Variants in ZNF385D observed in about 807,000 individuals in gnomAD.
ZNF385D encodes the protein zinc finger protein 659.
ZNF385D carries 15 observed loss-of-function variants against 35.8 expected under a neutral mutation model. The observed-to-expected ratio is 0.42, with a 90% confidence interval of 0.28 to 0.64. ZNF385D has a LOEUF of 0.64. ZNF385D is among the 30% of genes least tolerant of loss of function. The probability of loss-of-function intolerance (pLI) is 0.23; values close to 1 mark genes in which losing one functional copy is unlikely to be tolerated. For synonymous variants in ZNF385D, 212 were observed against 186.8 expected (o/e 1.13, Z -1.10); for missense variants, 474 against 494.6 (o/e 0.96, Z 0.39).
At chr3:21,850,293 G>A (rs3912510) in intron 3 of ZNF385D, among the ~76,000 whole-genome samples, 10,694 of 152,100 alleles carry the variant, frequency 0.07, 544 homozygotes, top group East Asian at 0.21. Flanking sequence ...ACATTGCACA[G>A]AAAGAAATAT....
intron 3 of ZNF385D, among the ~76,000 whole-genome samples, chr3:21,770,107 C>CA (rs2125608705): frequency 6.6e-6 from 1 of 152,098 alleles, no homozygotes; most frequent in African/African-American, 2.4e-5. Context: ...TAAAGACTTA[C>CA]ATGTTAGACC....
intron 2 of ZNF385D, among the ~76,000 whole-genome samples, chr3:22,169,929 G>A (rs1161540649): frequency 6.6e-6 from 1 of 152,172 alleles, no homozygotes; most frequent in Non-Finnish European, 1.5e-5. Flanking sequence ...TAAGTAGCTG[G>A]AACTACAGGT....
chr3:21,725,425 T>A (rs752122568), intron 1 of ZNF385D, among the ~76,000 whole-genome samples: 4 of 152,002 alleles, frequency 2.6e-5, no homozygotes, highest in Non-Finnish European at 5.9e-5. Context: ...ACAAAATAGA[T>A]AGACCGCTAG....
chr3:21,992,760 A>T (rs986280242), intron 3 of ZNF385D, among the ~76,000 whole-genome samples: 1 of 152,190 alleles, frequency 6.6e-6, no homozygotes. Context: ...TGGCTGTTTC[A>T]TAATTGATTT....
In ZNF385D at chr3:21,414,555, G is replaced by A. The variant is rs764702770; in HGVS notation, c.*6659C>T. The A allele has an allele frequency of 2.6e-5, 4 of 152,124 alleles. No individual in the cohort carries two copies. The highest frequency in any genetic ancestry group is 5.9e-5 in the Non-Finnish European group (4 of 68,014). The allele number at this position is 152,124 out of a possible 1,614,324, so 9.4% of individuals were successfully genotyped here. A position where few individuals can be genotyped will look rare whatever the true frequency, so the allele number is the denominator to read the frequency against. On this transcript the variant is annotated 3_prime_UTR_variant, in exon 8 of 8. Transcript: ENST00000281523. ...GGCTTAGATTTTGGAGCTATTTTGA[G>A]TAGCAAATGACTTGCTTTTACTAAA...
At chr3:21,492,572 T>A (rs1575040952) in intron 4 of ZNF385D, among the ~76,000 whole-genome samples, 1 of 151,318 alleles carries the variant, frequency 6.6e-6, no homozygotes, top group Admixed American at 6.6e-5. Flanking sequence ...CACTTGAGGT[T>A]AGGAGTTCGA....
At chr3:21,581,864 A>G (rs928119426) in intron 2 of ZNF385D, among the ~76,000 whole-genome samples, 14 of 152,084 alleles carry the variant, frequency 9.2e-5, no homozygotes, top group Non-Finnish European at 1.6e-4. Flanking sequence ...AGGGCCCCAA[A>G]ACAATGCTGA....
At chr3:21,530,647 C>G (rs11129007) in intron 3 of ZNF385D, among the ~76,000 whole-genome samples, 22,876 of 152,070 alleles carry the variant, frequency 0.15, 1,797 homozygotes, top group Admixed American at 0.24. Context: ...AGACCCTCAG[C>G]ATGATCAAAC....
chr3:22,315,402 C>T (rs533566666), intron 2 of ZNF385D, among the ~76,000 whole-genome samples: 12 of 152,182 alleles, frequency 7.9e-5, no homozygotes, highest in African/African-American at 2.6e-4. Flanking sequence ...CGCTGACCTA[C>T]GGATGGTATT....
At chr3:22,018,157 T>A (rs1202692513) in intron 3 of ZNF385D, among the ~76,000 whole-genome samples, 2 of 151,790 alleles carry the variant, frequency 1.3e-5, no homozygotes, top group South Asian at 2.1e-4. Flanking sequence ...TTAAAAAATA[T>A]TCTCTGTGTT....
At chr3:22,158,289 G>C (rs887318019) in intron 3 of ZNF385D, among the ~76,000 whole-genome samples, 2 of 152,008 alleles carry the variant, frequency 1.3e-5, no homozygotes, top group Non-Finnish European at 2.9e-5. Flanking sequence ...CCACCTTTAA[G>C]TCTACTTCAG....
chr3:22,111,319 G>A (rs185962450), intron 3 of ZNF385D, among the ~76,000 whole-genome samples: 43 of 152,028 alleles, frequency 2.8e-4, no homozygotes, highest in Admixed American at 2.6e-3. Flanking sequence ...CTTGGTAAAT[G>A]TAAGTTTACT....
chr3:22,149,589 C>T (rs193249730), intron 3 of ZNF385D, among the ~76,000 whole-genome samples: 25 of 152,258 alleles, frequency 1.6e-4, no homozygotes, highest in African/African-American at 4.8e-4. Flanking sequence ...ATTAAAGCCA[C>T]GACCATAGAG....
At chr3:22,009,634 TAAA>T (rs11335620) in intron 3 of ZNF385D, among the ~76,000 whole-genome samples, 2 of 132,608 alleles carry the variant, frequency 1.5e-5, no homozygotes, top group African/African-American at 2.6e-5. Context: ...AAAAAAAAAA[TAAA>T]AAAAAAAAAG....
At chr3:21,782,573 C>G (rs79216803) in intron 3 of ZNF385D, among the ~76,000 whole-genome samples, 1,894 of 152,084 alleles carry the variant, frequency 0.012, 40 homozygotes, top group African/African-American at 0.043. Context: ...ACCTTTAAAC[C>G]TCTCCAGATT....
intron 3 of ZNF385D, among the ~76,000 whole-genome samples, chr3:21,940,301 ACCAGTTCAC>A (rs558285441): frequency 1.1e-4 from 16 of 152,256 alleles, no homozygotes; most frequent in African/African-American, 1.7e-4. Flanking sequence ...TGGATTTGAC[ACCAGTTCAC>A]CCAGTTCACC....
intron 3 of ZNF385D, among the ~76,000 whole-genome samples, chr3:21,949,396 G>A (rs1198212097): frequency 1.3e-5 from 2 of 151,854 alleles, no homozygotes; most frequent in Non-Finnish European, 2.9e-5. Context: ...CCCATCGGTT[G>A]GGGTGGCTAT....
chr3:22,277,521 T>A (rs1701488145), intron 2 of ZNF385D, among the ~76,000 whole-genome samples: 1 of 152,122 alleles, frequency 6.6e-6, no homozygotes. Flanking sequence ...ACATGCTGAT[T>A]AATGAATCAC....
At chr3:21,422,398 A>T (rs1294353624) in intron 7 of ZNF385D, among the ~76,000 whole-genome samples, 1 of 152,214 alleles carries the variant, frequency 6.6e-6, no homozygotes, top group African/African-American at 2.4e-5. Flanking sequence ...GTACATATAC[A>T]GGTTTGTTAT....
Sources: gnomAD v4.1 joint callset for allele counts (sites outside exome capture counted in the v4.1 genomes callset) on GRCh38, gnomAD v4.1.1 for gene constraint, MANE v1.5 for transcripts, NCBI Gene and HGNC (gene_info 2026-07-23, HGNC 2026-07-21) for gene names.